Variants in NEGR1 observed in about 807,000 individuals in gnomAD.
NEGR1 encodes the protein neuronal growth regulator 1.
In NEGR1, 10 loss-of-function variants were observed where a neutral mutation model predicts 40.9. That is an observed-to-expected ratio of 0.24 (90% confidence interval 0.15 to 0.42). The LOEUF (loss-of-function observed/expected upper bound fraction) is 0.42, where lower values mean the gene tolerates loss of function less well. NEGR1 is among the 10% of genes least tolerant of loss of function. NEGR1 has a pLI of 1.00. For synonymous variants in NEGR1, 185 were observed against 166.8 expected (o/e 1.11, Z -0.84); for missense variants, 352 against 438.9 (o/e 0.80, Z 1.77).
In NEGR1 at chr1:72,280,564, A is replaced by C. The variant is rs768564823; in HGVS notation, c.176+1755T>G. Among the ~76,000 whole-genome samples, 4 of 152,324 alleles carry C rather than the reference A, an allele frequency of 2.6e-5. No individual in the cohort carries two copies. In the East Asian group the frequency reaches 7.7e-4, roughly 29 times the overall value. On this transcript the variant is annotated intron_variant, in intron 1 of 6. Transcript: ENST00000357731. ...TTAATTTATATCCTCTCTGTGACAA[A>C]GAATTTATCACTGTTACCAACAATG...
At chr1:72,098,455 T>A (rs1648797902) in intron 1 of NEGR1, among the ~76,000 whole-genome samples, 1 of 152,164 alleles carries the variant, frequency 6.6e-6, no homozygotes, top group African/African-American at 2.4e-5. Context: ...ATGCTGGCTC[T>A]AGGAAATGCT....
chr1:71,777,459 C>T (rs1656552410), intron 2 of NEGR1, among the ~76,000 whole-genome samples: 1 of 151,950 alleles, frequency 6.6e-6, no homozygotes, highest in South Asian at 2.1e-4. Context: ...AGAAATTCTT[C>T]ACTTTTGTAG....
chr1:71,843,839 G>A (rs961606438), intron 2 of NEGR1, among the ~76,000 whole-genome samples: 8 of 152,018 alleles, frequency 5.3e-5, no homozygotes, highest in Non-Finnish European at 8.8e-5. Context: ...GAATAGAATC[G>A]CTCCATTAAT....
intron 6 of NEGR1, among the ~76,000 whole-genome samples, chr1:71,420,417 T>C (rs2101277739): frequency 6.6e-6 from 1 of 152,168 alleles, no homozygotes; most frequent in South Asian, 2.1e-4. Context: ...TGCTATGTGT[T>C]AGGCATTGCA....
intron 6 of NEGR1, among the ~76,000 whole-genome samples, chr1:71,494,416 T>G (rs1646948834): frequency 6.6e-6 from 1 of 152,146 alleles, no homozygotes; most frequent in South Asian, 2.1e-4. Context: ...GAGGAGATAA[T>G]ACCATCCATG....
At chr1:71,689,555 G>C (rs1283474333) in intron 4 of NEGR1, among the ~76,000 whole-genome samples, 1 of 152,054 alleles carries the variant, frequency 6.6e-6, no homozygotes, top group Admixed American at 6.6e-5. Flanking sequence ...TTTTGAAAAA[G>C]CAGTTATGCT....
intron 1 of NEGR1, among the ~76,000 whole-genome samples, chr1:72,164,807 T>C (rs1472658297): frequency 1.3e-5 from 2 of 152,160 alleles, no homozygotes; most frequent in East Asian, 3.9e-4. Context: ...GATTTTTAAA[T>C]AATGCAGTGG....
intron 3 of NEGR1, chr1:71,703,075 C>G (rs1267235185): frequency 6.6e-6 from 1 of 150,596 alleles, no homozygotes; most frequent in Non-Finnish European, 1.5e-5. Context: ...TCCCACAAAT[C>G]TGAAAAAAAA....
At chr1:71,438,899 C>G (rs542081288) in intron 6 of NEGR1, among the ~76,000 whole-genome samples, 2 of 152,150 alleles carry the variant, frequency 1.3e-5, no homozygotes, top group African/African-American at 4.8e-5. Context: ...GGTACACTCA[C>G]AGGAGGAGCA....
chr1:71,938,287 G>A (rs924878262), intron 1 of NEGR1, among the ~76,000 whole-genome samples: 2 of 151,738 alleles, frequency 1.3e-5, no homozygotes, highest in Admixed American at 6.6e-5. Flanking sequence ...ACTTGGCTAT[G>A]TTATGAAATC....
intron 1 of NEGR1, among the ~76,000 whole-genome samples, chr1:71,955,420 C>T (rs1182669855): frequency 2.0e-5 from 3 of 152,094 alleles, no homozygotes; most frequent in Non-Finnish European, 4.4e-5. Context: ...TGGCAATGAA[C>T]TCAGGGTTCT....
chr1:71,419,513 C>T (rs1374685455), intron 6 of NEGR1, among the ~76,000 whole-genome samples: 1 of 152,042 alleles, frequency 6.6e-6, no homozygotes, highest in Non-Finnish European at 1.5e-5. Context: ...ATAACAACAA[C>T]AACAAAAAAC....
intron 2 of NEGR1, among the ~76,000 whole-genome samples, chr1:71,917,533 G>A (rs1465935974): frequency 1.3e-4 from 20 of 152,096 alleles, no homozygotes; most frequent in Admixed American, 1.3e-3. Context: ...GCTCATGCTT[G>A]TAATCCCAGC....
At chr1:71,725,485 C>T (rs1271716777) in intron 3 of NEGR1, among the ~76,000 whole-genome samples, 1 of 152,016 alleles carries the variant, frequency 6.6e-6, no homozygotes, top group Admixed American at 6.6e-5. Context: ...TTTTAGTTTT[C>T]CACTTAATTT....
In NEGR1 at chr1:72,016,202, T is replaced by A. The variant is rs552294558; in HGVS notation, c.177-80891A>T. On this transcript the variant is annotated intron_variant, in intron 1 of 6. Transcript: ENST00000357731. ...GAACAGGAGATTAAATACAAAATAA[T>A]TGATGAAATGTGTTAAAAAAATATA... Among the ~76,000 whole-genome samples the A allele has an allele frequency of 2.6e-5, 4 of 152,226 alleles. No individual in the cohort carries two copies. The East Asian group carries it at 7.7e-4, about 29-fold the overall frequency.
intron 4 of NEGR1, among the ~76,000 whole-genome samples, chr1:71,626,056 T>C (rs950720435): frequency 6.6e-6 from 1 of 151,832 alleles, no homozygotes; most frequent in African/African-American, 2.4e-5. Flanking sequence ...TAATGCCTGA[T>C]GATCTGAGGT....
At chr1:72,014,113 T>C (rs1437329985) in intron 1 of NEGR1, among the ~76,000 whole-genome samples, 23 of 151,900 alleles carry the variant, frequency 1.5e-4, no homozygotes, top group Middle Eastern at 3.2e-3. Flanking sequence ...TCAACTTTTT[T>C]TGTATGCAGA....
At chr1:71,497,929 A>G (rs1446359649) in intron 6 of NEGR1, among the ~76,000 whole-genome samples, 1 of 152,076 alleles carries the variant, frequency 6.6e-6, no homozygotes, top group Non-Finnish European at 1.5e-5. Flanking sequence ...TATATTTTTA[A>G]AAGACATCAT....
intron 1 of NEGR1, 95 bp from the exon 2 acceptor site, chr1:71,935,406 A>C (rs1224569864): frequency 1.0e-5 from 8 of 791,342 alleles, no homozygotes; most frequent in Non-Finnish European, 1.7e-5. Context: ...GCTGAATAAT[A>C]GCACAGCATC....
Sources: gnomAD v4.1 joint callset for allele counts (sites outside exome capture counted in the v4.1 genomes callset) on GRCh38, gnomAD v4.1.1 for gene constraint, MANE v1.5 for transcripts, NCBI Gene and HGNC (gene_info 2026-07-23, HGNC 2026-07-21) for gene names.